COBL: variants seen among roughly 807,000 people sequenced by gnomAD.
COBL encodes the protein cordon-bleu WH2 repeat protein.
COBL carries 51 observed loss-of-function variants against 98.8 expected under a neutral mutation model. The ratio of observed to expected loss-of-function variants is 0.52; its 90% CI spans 0.41 to 0.65. The LOEUF is 0.65. Ranked by LOEUF, COBL falls within the 30% of genes least tolerant of loss-of-function variation. The pLI is 0.00. For synonymous variants in COBL, 634 were observed against 651.7 expected, an observed-to-expected ratio of 0.97 and a Z score of 0.41; for missense variants, 1,617 against 1,617.5, an observed-to-expected ratio of 1.00 and a Z score of 0.01.
At chr7:51,168,509 T>A (rs1787553461) in intron 5 of COBL, among the ~76,000 whole-genome samples, 1 of 152,000 alleles carries the variant, frequency 6.6e-6, no homozygotes. Flanking sequence ...AACAGGCATA[T>A]GAAAAGATGG....
At chr7:51,074,741 C>G (rs1291867997) in intron 7 of COBL, among the ~76,000 whole-genome samples, 1 of 152,164 alleles carries the variant, frequency 6.6e-6, no homozygotes, top group East Asian at 1.9e-4. Flanking sequence ...AATATTACTT[C>G]TTTTCACCAT....
At chr7:51,081,740 A>G (rs1793684850) in intron 7 of COBL, among the ~76,000 whole-genome samples, 1 of 152,110 alleles carries the variant, frequency 6.6e-6, no homozygotes, top group Non-Finnish European at 1.5e-5. Flanking sequence ...GCTTTCATCC[A>G]GCTATCTTTC....
intron 1 of COBL, among the ~76,000 whole-genome samples, chr7:51,298,637 G>A (rs1351475642): frequency 2.0e-5 from 3 of 152,104 alleles, no homozygotes; most frequent in Admixed American, 1.3e-4. Flanking sequence ...TGCCCACCAG[G>A]CTCATGAGCA....
chr7:51,145,078 G>C (rs764930323), intron 5 of COBL, among the ~76,000 whole-genome samples: 1 of 151,994 alleles, frequency 6.6e-6, no homozygotes, highest in Non-Finnish European at 1.5e-5. Context: ...GCAGTGGTGC[G>C]ATCTCAGCTT....
rs140407910 is a variant in COBL at position 51,240,694 on chromosome 7, G to A, written c.42-20750C>T. Among the ~76,000 whole-genome samples, 471 of 128,088 alleles carry A rather than the reference G, an allele frequency of 3.7e-3. 2 individuals carry two copies. The highest frequency in any genetic ancestry group is 0.014 in the African/African-American group (440 of 31,182). 84.0% of individuals were successfully genotyped at this position (128,088 alleles called of 152,430 possible). Reference sequence around the variant, plus strand: ...CCAGAGTAGCTGGGATTACAGGCACGCACCACCACTCCTGGCTTTTTGTAT... The same window carrying A: ...CCAGAGTAGCTGGGATTACAGGCACACACCACCACTCCTGGCTTTTTGTAT... On this transcript the variant is annotated intron_variant, in intron 1 of 12. Coordinates refer to ENST00000265136, the MANE Select transcript of COBL (RefSeq NM_015198.5).
chr7:51,171,714 T>C (rs1347700322), intron 5 of COBL, among the ~76,000 whole-genome samples: 1 of 152,132 alleles, frequency 6.6e-6, no homozygotes, highest in Non-Finnish European at 1.5e-5. Context: ...AGTTTTATAA[T>C]CACATCAAAT....
rs147831221 is a variant in COBL, at chr7:51,028,894, G to A, written c.2202C>T (p.Asp734=). ...GAGGACTCACCAAGTTCCCCAGCTC[G>A]TCAATCTTAATGGCTCCGGTGGAGA... ...VSLSTGAIKI[D]ELGNLVSPHA... Residue 734 remains aspartate (D), a synonymous_variant, in exon 10 of 13, where the codon GAC becomes GAT. Transcript: ENST00000265136. 584 of 1,614,190 alleles carry A rather than the reference G, an allele frequency of 3.6e-4. 1 individual carries two copies. Among genetic ancestry groups the A allele is most frequent in the Non-Finnish European group, 4.6e-4 (543 of 1,180,032 alleles).
At chr7:51,255,597 G>A (rs1797126055) in intron 1 of COBL, among the ~76,000 whole-genome samples, 1 of 152,200 alleles carries the variant, frequency 6.6e-6, no homozygotes, top group South Asian at 2.1e-4. Flanking sequence ...CAAAGAAGGG[G>A]ACTGAGCATA....
intron 7 of COBL, among the ~76,000 whole-genome samples, chr7:51,044,875 T>C (rs1789540239): frequency 6.6e-6 from 1 of 152,244 alleles, no homozygotes; most frequent in African/African-American, 2.4e-5. Flanking sequence ...GGTGATGGTA[T>C]ATTTGAGATT....
intron 7 of COBL, among the ~76,000 whole-genome samples, chr7:51,058,664 G>A (rs1412633950): frequency 6.6e-6 from 1 of 152,178 alleles, no homozygotes; most frequent in African/African-American, 2.4e-5. Context: ...TACAGGCTAT[G>A]GCTTCTCATC....
chr7:51,271,843 C>A (rs1020600151), intron 1 of COBL, among the ~76,000 whole-genome samples: 9 of 152,148 alleles, frequency 5.9e-5, no homozygotes, highest in African/African-American at 2.2e-4. Flanking sequence ...CCAGTTTGGC[C>A]AACATGGTGA....
chr7:51,177,200 G>A (rs1174323701), intron 5 of COBL, among the ~76,000 whole-genome samples: 1 of 152,120 alleles, frequency 6.6e-6, no homozygotes, highest in Non-Finnish European at 1.5e-5. Flanking sequence ...AAGAGCTGTG[G>A]GGCAGAGCTA....
At chr7:51,072,758 T>C (rs967950150) in intron 7 of COBL, 1 of 152,230 alleles carries the variant, frequency 6.6e-6, no homozygotes, top group Non-Finnish European at 1.5e-5. Flanking sequence ...TTCTTTCTTT[T>C]TAGTGAACTA....
rs1028716343 is a variant in COBL at position 51,219,747 on chromosome 7, T to C, written c.239A>G (p.Asn80Ser). The change falls in exon 2 of 13, where the codon AAT becomes AGT. Residue 80 changes from asparagine (N) to serine (S), a missense_variant. Asn to Ser is a conservative substitution (Grantham distance 46). Transcript: ENST00000265136. ...PSGLEKRSVLNGSHAMMDLLV... is the reference protein window; with the variant it reads ...PSGLEKRSVLSGSHAMMDLLV... The stretch of plus-strand genomic sequence containing the variant: ...CTGCAGCACCGGCTCTCACCTCCCA[T>C]TGAGCACGCTCCTCTTCTCCAGCCC... 3.8e-5 allele frequency: 61 copies of C among 1,613,646 alleles called. No individual in the cohort carries two copies. Among genetic ancestry groups the C allele is most frequent in the Non-Finnish European group, 5.0e-5 (59 of 1,179,836 alleles).
rs537666153 is a variant in COBL, at chr7:51,151,527, C to T, written c.784-15196G>A. 4.6e-5 allele frequency among the ~76,000 whole-genome samples: 7 copies of T among 152,278 alleles called. No homozygotes were observed. The East Asian group carries it at 7.7e-4, about 17-fold the overall frequency. On this transcript the variant is annotated intron_variant, in intron 5 of 12. Transcript: ENST00000265136. ...AATGTAGAAGAAGGTGAAAAACTAA[C>T]GTTCTGATTTTTTAAAAAAGAGATT...
intron 2 of COBL, among the ~76,000 whole-genome samples, chr7:51,215,457 G>A (rs78946286): frequency 0.011 from 1,615 of 152,200 alleles, 30 homozygotes; most frequent in African/African-American, 0.034. Context: ...TTGGGAAGGC[G>A]GGCATTAGAA....
intron 1 of COBL, among the ~76,000 whole-genome samples, chr7:51,300,032 T>C (rs1267712099): frequency 2.6e-5 from 4 of 152,212 alleles, no homozygotes; most frequent in Non-Finnish European, 5.9e-5. Flanking sequence ...AGGCCATGCA[T>C]CTCTGATCCC....
chr7:51,089,951 C>T (rs1229985208), intron 6 of COBL, among the ~76,000 whole-genome samples: 1 of 152,116 alleles, frequency 6.6e-6, no homozygotes, highest in Non-Finnish European at 1.5e-5. Context: ...TAAATTAGCC[C>T]CTATTGCCTT....
chr7:51,214,793 G>A (rs960100865), intron 2 of COBL, among the ~76,000 whole-genome samples: 4 of 152,122 alleles, frequency 2.6e-5, no homozygotes, highest in African/African-American at 9.7e-5. Context: ...TTAATACTGC[G>A]ATGCAACAGC....
Sources: gnomAD v4.1 joint callset for allele counts (sites outside exome capture counted in the v4.1 genomes callset) on GRCh38, gnomAD v4.1.1 for gene constraint, MANE v1.5 for transcripts, NCBI Gene and HGNC (gene_info 2026-07-23, HGNC 2026-07-21) for gene names.